Variants in CYP19A1 observed in about 807,000 individuals in gnomAD.
CYP19A1 encodes the protein aromatase.
A neutral mutation model predicts 44.4 loss-of-function variants in CYP19A1; 32 were observed. The observed-to-expected ratio is 0.72, with a 90% CI of 0.54 to 0.97. The LOEUF (loss-of-function observed/expected upper bound fraction) is 0.97, where lower values mean the gene tolerates loss of function less well. Ranked by LOEUF, CYP19A1 falls within the 50% of genes least tolerant of loss-of-function variation. The pLI is 0.00. For synonymous variants in CYP19A1, 212 were observed against 215.6 expected, an observed-to-expected ratio of 0.98 and a Z score of 0.14; for missense variants, 598 against 637.8, an observed-to-expected ratio of 0.94 and a Z score of 0.67.
At chr15:51,304,786 T>C (rs1348944372) in intron 1 of CYP19A1, among the ~76,000 whole-genome samples, 1 of 152,088 alleles carries the variant, frequency 6.6e-6, no homozygotes, top group Non-Finnish European at 1.5e-5. Context: ...TTTTAATTTA[T>C]TTTTTTAAAT....
intron 4 of CYP19A1, among the ~76,000 whole-genome samples, chr15:51,225,986 G>A (rs1566878810): frequency 6.6e-6 from 1 of 150,560 alleles, no homozygotes; most frequent in Non-Finnish European, 1.5e-5. Context: ...CTACTCAGGA[G>A]GCTGAGACAG....
At chr15:51,326,834 G>A (rs906404048) in intron 1 of CYP19A1, among the ~76,000 whole-genome samples, 3 of 152,220 alleles carry the variant, frequency 2.0e-5, no homozygotes, top group Non-Finnish European at 2.9e-5. Context: ...TAACTTCGTG[G>A]TGTATCTACT....
At chr15:51,215,335 C>A in intron 7 of CYP19A1, 103 bp from the exon 8 acceptor site, 3 of 1,531,204 alleles carry the variant, frequency 2.0e-6, no homozygotes, top group South Asian at 2.3e-5. Context: ...AAAATGAAAT[C>A]ATAGAAACCA....
rs530339618 is a variant in CYP19A1 at position 51,263,749 on chromosome 15, C to T, written c.-38-20799G>A. Among the ~76,000 whole-genome samples the T allele has an allele frequency of 3.9e-5, 6 of 152,302 alleles. No homozygotes were observed. The East Asian group carries it at 9.7e-4, about 25-fold the overall frequency. ...CCCATCCAATCCTCCCAGGCTGCTGCTCTGGGAATAAAGGGGTTGCAAGCA... is the reference window on the plus strand; with the variant it reads ...CCCATCCAATCCTCCCAGGCTGCTGTTCTGGGAATAAAGGGGTTGCAAGCA... On this transcript the variant is annotated intron_variant, in intron 1 of 9. Transcript: ENST00000396402.
intron 1 of CYP19A1, among the ~76,000 whole-genome samples, chr15:51,309,606 A>G (rs895442047): frequency 1.3e-5 from 2 of 152,226 alleles, no homozygotes; most frequent in Non-Finnish European, 2.9e-5. Flanking sequence ...AAAACAGGTA[A>G]TCTAGGCATT....
intron 1 of CYP19A1, among the ~76,000 whole-genome samples, chr15:51,247,718 G>A (rs549345474): frequency 9.9e-5 from 15 of 152,000 alleles, no homozygotes; most frequent in African/African-American, 3.6e-4. Context: ...CAAGTGATCC[G>A]AGTCCTAACC....
chr15:51,239,228 A>G (rs2033598186), intron 2 of CYP19A1, among the ~76,000 whole-genome samples: 1 of 152,212 alleles, frequency 6.6e-6, no homozygotes, highest in African/African-American at 2.4e-5. Flanking sequence ...ATTTTTGTAC[A>G]GAGACAGCCT....
chr15:51,215,637 C>T, intron 7 of CYP19A1, 66 bp downstream of exon 7: 1 of 1,612,778 alleles, frequency 6.2e-7, no homozygotes, highest in East Asian at 2.2e-5. Flanking sequence ...AAAAGGGGAT[C>T]TTTACACACC....
intron 4 of CYP19A1, 33 bp from the exon 5 acceptor site, chr15:51,222,558 C>T (rs763591835): frequency 1.1e-4 from 173 of 1,583,502 alleles, no homozygotes; most frequent in Non-Finnish European, 1.4e-4. Context: ...TCAGCCATCA[C>T]GAACTCCAGG....
At chr15:51,223,593 T>TCTCTCTCTCTCA (rs1356666512) in intron 4 of CYP19A1, among the ~76,000 whole-genome samples, 5 of 90,212 alleles carry the variant, frequency 5.5e-5, no homozygotes, top group African/African-American at 2.1e-4. Context: ...TCTCTCTCTC[T>TCTCTCTCTCTCA]CACACACACA....
intron 1 of CYP19A1, among the ~76,000 whole-genome samples, chr15:51,268,332 A>G (rs1384959509): frequency 6.6e-6 from 1 of 152,232 alleles, no homozygotes; most frequent in East Asian, 1.9e-4. Context: ...CTGGAATTCT[A>G]TTGTCATAAT....
intron 1 of CYP19A1, among the ~76,000 whole-genome samples, chr15:51,315,632 A>G (rs2141016849): frequency 6.6e-6 from 1 of 152,348 alleles, no homozygotes; most frequent in East Asian, 1.9e-4. Flanking sequence ...TCTTGAATAA[A>G]TGAATGAAAA....
chr15:51,286,484 G>A (rs1248085834), intron 1 of CYP19A1, among the ~76,000 whole-genome samples: 1 of 152,070 alleles, frequency 6.6e-6, no homozygotes, highest in Non-Finnish European at 1.5e-5. Context: ...CCACAGTATG[G>A]TACCATCAGC....
In CYP19A1 at chr15:51,284,602, T is replaced by C. The variant is rs79697835; in HGVS notation, c.-38-41652A>G. 5.7e-3 allele frequency among the ~76,000 whole-genome samples: 868 copies of C among 152,348 alleles called. 4 individuals carry two copies. Among genetic ancestry groups the C allele is most frequent in the Non-Finnish European group, 0.01 (704 of 68,028 alleles). ...ATGATGAGAAATATGGGATATCGACTTGGAGAAGGACCAGGAATATAAGAC... is the reference window on the plus strand; with the variant it reads ...ATGATGAGAAATATGGGATATCGACCTGGAGAAGGACCAGGAATATAAGAC... On this transcript the variant is annotated intron_variant, in intron 1 of 9. Transcript: ENST00000396402.
chr15:51,251,789 C>T (rs891857052), intron 1 of CYP19A1, among the ~76,000 whole-genome samples: 2 of 152,192 alleles, frequency 1.3e-5, no homozygotes, highest in Admixed American at 6.5e-5. Flanking sequence ...GAGAGCTTAT[C>T]TGTTGTTTAA....
chr15:51,265,386 C>G (rs191392991), intron 1 of CYP19A1, among the ~76,000 whole-genome samples: 6 of 152,336 alleles, frequency 3.9e-5, no homozygotes, highest in Admixed American at 3.3e-4. Context: ...GTTTCAAAAT[C>G]CAGATCCCAT....
intron 3 of CYP19A1, 65 bp from the exon 4 acceptor site, chr15:51,227,998 T>C (rs936870869): frequency 3.5e-6 from 3 of 862,008 alleles, no homozygotes; most frequent in Non-Finnish European, 6.1e-6. Flanking sequence ...TGGTACATTT[T>C]GACTAGGAGG....
chr15:51,335,823 C>T (rs1215459641), intron 1 of CYP19A1, among the ~76,000 whole-genome samples: 2 of 152,226 alleles, frequency 1.3e-5, no homozygotes, highest in Non-Finnish European at 2.9e-5. Context: ...GGCCTCAGCC[C>T]TACAAGGAAG....
At chr15:51,312,338 A>G (rs992995170) in intron 1 of CYP19A1, 8 of 152,234 alleles carry the variant, frequency 5.3e-5, no homozygotes, top group African/African-American at 1.9e-4. Flanking sequence ...TAACTCACCC[A>G]TATATGTAAA....
Sources: allele counts gnomAD v4.1 joint callset (sites outside exome capture counted in the v4.1 genomes callset), GRCh38; gene constraint gnomAD v4.1.1; transcripts MANE v1.5; gene names NCBI Gene and HGNC (gene_info 2026-07-23, HGNC 2026-07-21).